Variants in BACH2 observed in about 807,000 individuals in gnomAD.
BACH2 encodes the protein transcription regulator protein BACH2.
BACH2 carries 5 observed loss-of-function variants against 61.8 expected under a neutral mutation model. That is an observed-to-expected ratio of 0.08 (90% CI 0.04 to 0.17). The LOEUF is 0.17. Ranked by LOEUF, BACH2 falls within the 10% of genes least tolerant of loss-of-function variation. The pLI, the probability that BACH2 is intolerant of heterozygous loss-of-function variation, is 1.00. For synonymous variants in BACH2, 446 were observed against 440.1 expected, an observed-to-expected ratio of 1.01 and a Z score of -0.17; for missense variants, 824 against 1,091.1, an observed-to-expected ratio of 0.76 and a Z score of 3.45.
chr6:90,134,316 TC>T (rs1784203356), intron 4 of BACH2, among the ~76,000 whole-genome samples: 2 of 152,240 alleles, frequency 1.3e-5, no homozygotes, highest in Admixed American at 1.3e-4. Flanking sequence ...ACACATGACT[TC>T]GCTTTTAATC....
intron 5 of BACH2, among the ~76,000 whole-genome samples, chr6:90,054,947 G>A (rs989335014): frequency 6.6e-6 from 1 of 152,058 alleles, no homozygotes; most frequent in African/African-American, 2.4e-5. Context: ...AAACGGAAAG[G>A]ACATCCACAC....
chr6:90,220,696 C>G lies in BACH2; in HGVS notation c.-274-14015G>C, dbSNP rs1215165573. On this transcript the variant is annotated intron_variant, in intron 3 of 8. Transcript: ENST00000257749. ...TCAGAAGCCTTAGGAAAATTGTCCA[C>G]AGATGATGGCGTCTATTAAATGCTG... 6.6e-5 allele frequency among the ~76,000 whole-genome samples: 10 copies of G among 152,292 alleles called. No homozygotes were observed. In the East Asian group the frequency reaches 1.9e-3, roughly 29 times the overall value.
At chr6:90,175,957 G>A (rs1490067552) in intron 4 of BACH2, among the ~76,000 whole-genome samples, 2 of 151,966 alleles carry the variant, frequency 1.3e-5, no homozygotes. Context: ...ACTTCAACTA[G>A]CAATTCTAAA....
At chr6:90,056,769 T>C (rs1001593334) in intron 5 of BACH2, among the ~76,000 whole-genome samples, 3 of 152,290 alleles carry the variant, frequency 2.0e-5, no homozygotes, top group Admixed American at 6.5e-5. Context: ...TATAACAAAC[T>C]GTCTCTCAGA....
At chr6:90,268,598 T>G (rs1480963755) in intron 2 of BACH2, among the ~76,000 whole-genome samples, 1 of 152,182 alleles carries the variant, frequency 6.6e-6, no homozygotes, top group African/African-American at 2.4e-5. Context: ...TTTAGTTTCT[T>G]TAAATTTCAT....
At chr6:90,059,243 T>C (rs1229959941) in intron 5 of BACH2, among the ~76,000 whole-genome samples, 4 of 152,296 alleles carry the variant, frequency 2.6e-5, no homozygotes, top group East Asian at 1.9e-4. Flanking sequence ...AGGGCTAATA[T>C]CCAGAATCTA....
chr6:90,097,388 A>G (rs1782424269), intron 4 of BACH2, among the ~76,000 whole-genome samples: 1 of 152,206 alleles, frequency 6.6e-6, no homozygotes, highest in Admixed American at 6.5e-5. Flanking sequence ...TGAGTAATGG[A>G]CCGAGGAGGA....
intron 7 of BACH2, among the ~76,000 whole-genome samples, chr6:89,946,723 C>T (rs1447613510): frequency 2.6e-5 from 4 of 152,082 alleles, no homozygotes; most frequent in African/African-American, 9.7e-5. Context: ...TAAAATAAAA[C>T]CCAAACCCAT....
At position 90,245,250 on chromosome 6, in the gene BACH2, T is replaced by C. The variant is rs893352676; in HGVS notation, c.-275+7263A>G. Among the ~76,000 whole-genome samples the C allele has an allele frequency of 2.6e-5, 4 of 152,116 alleles. No homozygotes were observed. The East Asian group carries it at 7.7e-4, about 29-fold the overall frequency. ...TTTAAGTAAACTGATGAAAATTATT[T>C]AAGCATTGCAAACTCTTCCTTAAAA... On this transcript the variant is annotated intron_variant, in intron 3 of 8. Transcript: ENST00000257749.
chr6:90,181,346 T>C lies in BACH2; in HGVS notation c.-162+25223A>G, dbSNP rs913134838. The stretch of plus-strand genomic sequence containing the variant: ...ACTGTGTGGTGTGTGTGTGTGTGTG[T>C]GTGTGTAATTGTACATTTACATAAA... On this transcript the variant is annotated intron_variant, in intron 4 of 8. Transcript: ENST00000257749. Among the ~76,000 whole-genome samples, 24 of 152,014 alleles carry C rather than the reference T, an allele frequency of 1.6e-4. 1 individual carries two copies. The highest frequency in any genetic ancestry group is 1.5e-3 in the Admixed American group (23 of 15,250).
chr6:90,072,791 C>T lies in BACH2; in HGVS notation c.-13+16170G>A, dbSNP rs534406645. On this transcript the variant is annotated intron_variant, in intron 5 of 8. Transcript: ENST00000257749. The stretch of plus-strand genomic sequence containing the variant: ...TCAGTAAAGAACCCTAAACATCCCA[C>T]CAGAAAGTCCCAAACAACCCTGAAA... 1.2e-4 allele frequency among the ~76,000 whole-genome samples: 19 copies of T among 152,236 alleles called. No individual in the cohort carries two copies. The South Asian group carries it at 3.9e-3, about 32-fold the overall frequency.
At chr6:90,085,778 G>A (rs1781908936) in intron 5 of BACH2, among the ~76,000 whole-genome samples, 1 of 152,126 alleles carries the variant, frequency 6.6e-6, no homozygotes, top group African/African-American at 2.4e-5. Flanking sequence ...ACTAGCTAGT[G>A]ATTCTGCACA....
chr6:90,220,628 C>A (rs946593451), intron 3 of BACH2, among the ~76,000 whole-genome samples: 2 of 152,124 alleles, frequency 1.3e-5, no homozygotes, highest in Admixed American at 6.5e-5. Context: ...AATTCTGCTG[C>A]ATGTAGGTTT....
At position 89,932,827 on chromosome 6, in the gene BACH2, A is replaced by C; in HGVS notation, c.2107T>G (p.Leu703Val). 6.2e-7 allele frequency: 1 copy of C among 1,612,784 alleles called. No homozygotes were observed. Residue 703 changes from leucine to valine, a missense_variant, in exon 9 of 9, where the codon TTG (leucine) becomes GTG (valine). Leu to Val is a conservative substitution (Grantham distance 32). This residue lies in a region of BACH2 where 160 missense variants were observed against 283.5 expected (regional missense o/e 0.56). Coordinates refer to ENST00000257749, the MANE Select transcript of BACH2 (RefSeq NM_021813.4). Reference protein sequence around the residue: ...NQLKACMGELLDNFSCLSQEV... With the variant: ...NQLKACMGELVDNFSCLSQEV... The stretch of plus-strand genomic sequence containing the variant: ...TGGGAAAGGCAGGAGAAGTTGTCCA[A>C]CAGTTCCCCCATGCATGCTTTCAGT...
At chr6:90,248,199 G>A (rs916957268) in intron 3 of BACH2, among the ~76,000 whole-genome samples, 1 of 152,176 alleles carries the variant, frequency 6.6e-6, no homozygotes, top group African/African-American at 2.4e-5. Flanking sequence ...ATCTACAGAT[G>A]TTTGTGAAAT....
chr6:90,139,709 A>G (rs1343271087), intron 4 of BACH2, among the ~76,000 whole-genome samples: 1 of 152,200 alleles, frequency 6.6e-6, no homozygotes, highest in African/African-American at 2.4e-5. Flanking sequence ...ATGTGTCCTT[A>G]TCTTCCATTT....
chr6:89,947,405 C>T (rs905787610), intron 7 of BACH2, among the ~76,000 whole-genome samples: 2 of 152,196 alleles, frequency 1.3e-5, no homozygotes, highest in African/African-American at 4.8e-5. Flanking sequence ...ACCTCCTCTA[C>T]TCTAGGAAAA....
intron 4 of BACH2, among the ~76,000 whole-genome samples, chr6:90,172,867 GTAA>G (rs1192482750): frequency 1.2e-4 from 18 of 151,998 alleles, no homozygotes; most frequent in Admixed American, 6.6e-4. Context: ...TATACAAATT[GTAA>G]TAATGTGTAA....
rs755356618 is a variant in BACH2 at position 89,950,315 on chromosome 6, C to A, written c.1791G>T (p.Ser597=). The A allele has an allele frequency of 1.2e-6, 2 of 1,614,012 alleles. No individual in the cohort carries two copies. The highest frequency in any genetic ancestry group is 1.7e-6 in the Non-Finnish European group (2 of 1,180,042). ...TNSSDESGSF[S]EADSESCPVQ... is the part of the protein sequence containing the mutation. The stretch of plus-strand genomic sequence containing the variant: ...CAGGACACGACTCACTGTCTGCTTC[C>A]GAGAACGATCCGGATTCGTCACTGG... Residue 597 remains serine (S), a synonymous_variant, in exon 7 of 9, where the codon TCG becomes TCT. Transcript: ENST00000257749. The surrounding 1 kb of genome is among the most constrained non-coding windows in gnomAD (Gnocchi z 5.3).
Sources: gnomAD v4.1 joint callset for allele counts (sites outside exome capture counted in the v4.1 genomes callset) on GRCh38, gnomAD v4.1.1 for gene constraint, gnomAD v4.1.1 regional missense constraint, Gnocchi (gnomAD v3.1) non-coding constraint, MANE v1.5 for transcripts, NCBI Gene and HGNC (gene_info 2026-07-23, HGNC 2026-07-21) for gene names.